The following OSBP variants were observed in gnomAD, a reference collection of about 807,000 sequenced individuals.
OSBP encodes oxysterol binding protein.
A neutral mutation model predicts 96.6 loss-of-function variants in OSBP; 32 were observed. The ratio of observed to expected loss-of-function variants is 0.33; its 90% CI spans 0.25 to 0.45. The LOEUF is 0.45. Ranked by LOEUF, OSBP falls within the 20% of genes least tolerant of loss-of-function variation. OSBP has a pLI of 1.00. For missense variants in OSBP, 653 were observed against 1,029.7 expected, an observed-to-expected ratio of 0.63 and a Z score of 5.01; for synonymous variants, 369 against 389.6, an observed-to-expected ratio of 0.95 and a Z score of 0.62.
rs1018777721 is a variant in OSBP, at chr11:59,576,588, C to G, written c.2413G>C (p.Asp805His). 1 of 1,613,076 alleles carries G rather than the reference C, an allele frequency of 6.2e-7. No homozygotes were observed. Among genetic ancestry groups the G allele is most frequent in the Non-Finnish European group, 8.5e-7 (1 of 1,179,736 alleles). Residue 805 changes from aspartate to histidine, a missense_variant, in exon 14 of 14, where the codon GAC becomes CAC. By Grantham distance (81) the Asp-to-His change is moderately conservative. Around this residue, in one of 6 missense-constraint regions of OSBP, gnomAD observed 169 missense variants for 251.5 expected, o/e 0.67. Coordinates refer to ENST00000263847, the MANE Select transcript of OSBP (RefSeq NM_002556.3). ...KEKQDWSSCP[D>H]IF is the part of the protein sequence containing the mutation. Reference sequence around the variant, plus strand: ...TTGTTACTGCCGTTTCAGAAAATGTCCGGGCATGAGCTCCAGTCCTGTTTT... The same window carrying G: ...TTGTTACTGCCGTTTCAGAAAATGTGCGGGCATGAGCTCCAGTCCTGTTTT...
chr11:59,612,985 A>T (rs572391091), intron 1 of OSBP, among the ~76,000 whole-genome samples: 5 of 152,320 alleles, frequency 3.3e-5, no homozygotes, highest in African/African-American at 9.6e-5. Context: ...ACACAATCCC[A>T]CTTAAAAGGA....
chr11:59,608,759 T>C (rs753354718), intron 2 of OSBP, 25 bp from the exon 3 acceptor site: 9 of 1,612,704 alleles, frequency 5.6e-6, no homozygotes, highest in African/African-American at 2.7e-5. Context: ...AGAAAGGTTA[T>C]ATGATTCCAG....
At chr11:59,589,990 A>C (rs1306510378) in intron 9 of OSBP, among the ~76,000 whole-genome samples, 2 of 152,184 alleles carry the variant, frequency 1.3e-5, no homozygotes, top group African/African-American at 2.4e-5. Flanking sequence ...CTCAAAAAAA[A>C]AAAAGAAATT....
In OSBP at chr11:59,575,641, A is replaced by G. The variant is rs1860353074; in HGVS notation, c.*936T>C. 1 of 152,636 alleles carries G rather than the reference A, an allele frequency of 6.6e-6. No homozygotes were observed. The highest frequency in any genetic ancestry group is 2.1e-4 in the South Asian group (1 of 4,828). The allele number at this position is 152,636 out of a possible 1,614,324, so 9.5% of individuals were successfully genotyped here. The stretch of plus-strand genomic sequence containing the variant: ...AACTTCTGCTCTCAAATTCTGAAGT[A>G]TATCAGAATGGGACAGGCAATGTTT... On this transcript the variant is annotated 3_prime_UTR_variant, in exon 14 of 14. Transcript: ENST00000263847.
In OSBP at chr11:59,578,295, G is replaced by A; in HGVS notation, c.1914C>T (p.Val638=). 6.2e-7 allele frequency: 1 copy of A among 1,614,192 alleles called. No homozygotes were observed. The highest frequency in any genetic ancestry group is 8.5e-7 in the Non-Finnish European group (1 of 1,180,036). The part of the protein sequence containing the change: ...TGEVTDPSGK[V]HFALLGTWDE... ...CCCACGTCCCCAGAAGAGCAAAGTG[G>A]ACTTTTCCTGATGGATCTGTCACTT... is the stretch of plus-strand genomic sequence containing the variant. The change falls in exon 12 of 14, where the codon GTC becomes GTT. Residue 638 remains valine (V), a synonymous_variant. Transcript: ENST00000263847.
At chr11:59,600,144 A>G (rs892191849) in intron 7 of OSBP, among the ~76,000 whole-genome samples, 5 of 152,210 alleles carry the variant, frequency 3.3e-5, no homozygotes, top group Admixed American at 6.5e-5. Flanking sequence ...CTATCACAGA[A>G]AATAATGTTT....
chr11:59,601,227 C>T (rs1401473261), intron 5 of OSBP, 56 bp downstream of exon 5: 2 of 967,556 alleles, frequency 2.1e-6, no homozygotes, highest in Non-Finnish European at 3.3e-6. Context: ...GCTAAAATAC[C>T]ACCATATTGA....
At chr11:59,580,926 C>T (rs1378180233) in intron 10 of OSBP, among the ~76,000 whole-genome samples, 1 of 152,198 alleles carries the variant, frequency 6.6e-6, no homozygotes, top group Non-Finnish European at 1.5e-5. Flanking sequence ...AGACAGTATA[C>T]CCTCTTTTCT....
At chr11:59,593,079 T>C (rs1860605854) in intron 9 of OSBP, among the ~76,000 whole-genome samples, 1 of 152,124 alleles carries the variant, frequency 6.6e-6, no homozygotes, top group African/African-American at 2.4e-5. Context: ...ATTACAGGGG[T>C]GAGGCACTGT....
chr11:59,577,369 C>T lies in OSBP; in HGVS notation c.2061-344G>A, dbSNP rs185728247. 3.3e-5 allele frequency among the ~76,000 whole-genome samples: 5 copies of T among 152,066 alleles called. No individual in the cohort carries two copies. In the East Asian group the frequency reaches 7.7e-4, roughly 23 times the overall value. On this transcript the variant is annotated intron_variant, in intron 12 of 13. Coordinates refer to ENST00000263847, the MANE Select transcript of OSBP (RefSeq NM_002556.3). ...TCTTTTTAACTCTCTCTGGGATAAT[C>T]TTGGCTATCACTACAAACTGACTGT...
At chr11:59,615,192 G>C in intron 1 of OSBP, 111 bp downstream of exon 1, 1 of 862,154 alleles carries the variant, frequency 1.2e-6, no homozygotes, top group Non-Finnish European at 1.8e-6. Flanking sequence ...ATGACGAAAA[G>C]GGGCCTGGGG....
intron 7 of OSBP, among the ~76,000 whole-genome samples, chr11:59,599,328 A>G (rs1391429661): frequency 1.3e-5 from 2 of 152,228 alleles, no homozygotes; most frequent in Non-Finnish European, 2.9e-5. Context: ...TTCACATCAC[A>G]AACTATTATG....
intron 9 of OSBP, among the ~76,000 whole-genome samples, chr11:59,593,030 TCAGA>T (rs1279362237): frequency 1.3e-5 from 2 of 152,286 alleles, no homozygotes; most frequent in Admixed American, 1.3e-4. Flanking sequence ...ACTCCAGAGC[TCAGA>T]CAATCTGCCT....
intron 9 of OSBP, among the ~76,000 whole-genome samples, chr11:59,587,354 T>C (rs760914535): frequency 6.6e-6 from 1 of 151,924 alleles, no homozygotes; most frequent in South Asian, 2.1e-4. Flanking sequence ...TACAAAAAAT[T>C]AGCCGGGTGT....
In OSBP at chr11:59,601,665, A is replaced by G. The variant is rs745822205; in HGVS notation, c.996T>C (p.Thr332=). 5.0e-6 allele frequency: 8 copies of G among 1,612,918 alleles called. No homozygotes were observed. In the South Asian group the frequency reaches 6.6e-5, roughly 13 times the overall value. The change falls in exon 4 of 14, where the codon ACT becomes ACC. Residue 332 remains threonine, a synonymous_variant. Coordinates refer to ENST00000263847, the MANE Select transcript of OSBP (RefSeq NM_002556.3). ...CTTTACCAGAACCCACATTGCCAGG[A>G]GTGTTTGCCGGCAGCACCGTGGCTC... ...FRGATVLPAN[T]PGNVGSGKDQ...
At chr11:59,581,911 T>C (rs749308604) in intron 9 of OSBP, among the ~76,000 whole-genome samples, 2 of 152,190 alleles carry the variant, frequency 1.3e-5, no homozygotes, top group African/African-American at 2.4e-5. Context: ...GGAGCACACA[T>C]TGGTAGTCTG....
intron 3 of OSBP, among the ~76,000 whole-genome samples, chr11:59,602,078 C>G (rs772302689): frequency 2.0e-5 from 3 of 152,154 alleles, no homozygotes; most frequent in Non-Finnish European, 4.4e-5. Flanking sequence ...GTCACGAGAA[C>G]CAAACAAATG....
At position 59,576,534 on chromosome 11, in the gene OSBP, T is replaced by C. The variant is rs1412478455; in HGVS notation, c.*43A>G. 1.9e-6 allele frequency: 3 copies of C among 1,592,780 alleles called. No homozygotes were observed. In the South Asian group the frequency reaches 3.4e-5, roughly 18 times the overall value. ...TTCCAGCTTTCCCACACATCCTCTG[T>C]CCTCTTCTCCATTATATGCTCCTCT... On this transcript the variant is annotated 3_prime_UTR_variant, in exon 14 of 14. Coordinates refer to ENST00000263847, the MANE Select transcript of OSBP (RefSeq NM_002556.3).
rs550652114 is a variant in OSBP, at chr11:59,615,481, C to T, written c.184G>A (p.Ala62Thr). The T allele has an allele frequency of 1.6e-5, 19 of 1,214,598 alleles. No individual in the cohort carries two copies. The highest frequency in any genetic ancestry group is 3.7e-5 in the East Asian group (1 of 27,100). 75.2% of individuals were successfully genotyped at this position (1,214,598 alleles called of 1,614,324 possible). A position where few individuals can be genotyped will look rare whatever the true frequency, so the allele number is the denominator to read the frequency against. The change falls in exon 1 of 14, where the codon GCC (alanine) becomes ACC (threonine). Residue 62 changes from alanine to threonine, a missense_variant. Ala to Thr is a moderately conservative substitution (Grantham distance 58, BLOSUM62 0). Coordinates refer to ENST00000263847, the MANE Select transcript of OSBP (RefSeq NM_002556.3). The stretch of plus-strand genomic sequence containing the variant: ...GGGCCAGCCGCCGCCACTCCCCCGG[C>T]CCCCGGGCCCGGGCCTCCCGCCGCC... ...AAAAGGPGPG[A>T]GGVAAAGPAP... is the part of the protein sequence containing the mutation.
Sources: gnomAD v4.1 joint callset for allele counts (sites outside exome capture counted in the v4.1 genomes callset) on GRCh38, gnomAD v4.1.1 for gene constraint, gnomAD v4.1.1 regional missense constraint, MANE v1.5 for transcripts, NCBI Gene and HGNC (gene_info 2026-07-23, HGNC 2026-07-21) for gene names.